The following CELF2 variants were observed in gnomAD, a reference collection of about 807,000 sequenced individuals.
CELF2 encodes CUG triplet repeat RNA-binding protein 2.
CELF2 carries 8 observed loss-of-function variants against 62.6 expected under a neutral mutation model. The ratio of observed to expected loss-of-function variants is 0.13; its 90% CI spans 0.07 to 0.23. The LOEUF (loss-of-function observed/expected upper bound fraction) is 0.23. Among genes scored for constraint, CELF2 ranks in the 10% least tolerant of loss-of-function variants. The pLI is 1.00. For synonymous variants in CELF2, 258 were observed against 250.0 expected (o/e 1.03, Z -0.30); for missense variants, 333 against 671.0 (o/e 0.50, Z 5.56).
chr10:10,474,129 C>T, the CELF2 span, among the ~76,000 whole-genome samples: 1 of 151,842 alleles, frequency 6.6e-6, no homozygotes, highest in Admixed American at 6.6e-5. Flanking sequence ...TATCCAAGGG[C>T]AAAAGGAAAC....
At chr10:10,659,075 CAG>C in the CELF2 span, among the ~76,000 whole-genome samples, 4 of 152,116 alleles carry the variant, frequency 2.6e-5, no homozygotes, top group Non-Finnish European at 5.9e-5. Context: ...AAAAATCAAA[CAG>C]AAGCTACCTA....
chr10:10,575,694 A>C, the CELF2 span, among the ~76,000 whole-genome samples: 2 of 152,330 alleles, frequency 1.3e-5, no homozygotes, highest in South Asian at 2.1e-4. Flanking sequence ...TTTTAGGTCA[A>C]CACATCCAAT....
At chr10:10,864,376 C>T (rs1178494156) in intron 1 of CELF2, among the ~76,000 whole-genome samples, 1 of 152,104 alleles carries the variant, frequency 6.6e-6, no homozygotes, top group Non-Finnish European at 1.5e-5. Context: ...TATTTATTTG[C>T]CACTCTTGAC....
the CELF2 span, among the ~76,000 whole-genome samples, chr10:10,767,995 CAAAA>C: frequency 8.7e-5 from 2 of 23,058 alleles, no homozygotes; most frequent in African/African-American, 2.1e-4. Context: ...GACTCCGTCT[CAAAA>C]AAAAAAAAAA....
chr10:10,576,879 C>T, the CELF2 span, among the ~76,000 whole-genome samples: 1 of 152,182 alleles, frequency 6.6e-6, no homozygotes, highest in Non-Finnish European at 1.5e-5. Context: ...AAATGTGGTG[C>T]TCCTGAGGCC....
chr10:11,006,617 G>A (rs1423405449), intron 1 of CELF2, among the ~76,000 whole-genome samples: 1 of 152,172 alleles, frequency 6.6e-6, no homozygotes, highest in Non-Finnish European at 1.5e-5. Flanking sequence ...GAATATTCTT[G>A]ATGTTTACGT....
At chr10:11,215,616 A>G (rs934497344) in intron 2 of CELF2, among the ~76,000 whole-genome samples, 1 of 147,608 alleles carries the variant, frequency 6.8e-6, no homozygotes, top group Non-Finnish European at 1.5e-5. Flanking sequence ...AACTGTGGTT[A>G]TTAAATGAGG....
chr10:10,626,014 C>T, the CELF2 span, among the ~76,000 whole-genome samples: 2 of 152,008 alleles, frequency 1.3e-5, no homozygotes, highest in African/African-American at 2.4e-5. Flanking sequence ...TCACCTGCCA[C>T]TTGCGGACTT....
At chr10:10,583,927 A>G in the CELF2 span, among the ~76,000 whole-genome samples, 1 of 152,180 alleles carries the variant, frequency 6.6e-6, no homozygotes, top group Admixed American at 6.5e-5. Context: ...GTCCAAGAGC[A>G]CTAGGTTGGA....
intron 1 of CELF2, among the ~76,000 whole-genome samples, chr10:10,902,287 C>G (rs1168634373): frequency 2.0e-5 from 3 of 152,170 alleles, no homozygotes; most frequent in Admixed American, 2.0e-4. Flanking sequence ...AAGATGTGTA[C>G]ATGAATGTTC....
chr10:11,125,342 AT>A (rs2058495676), intron 1 of CELF2, among the ~76,000 whole-genome samples: 1 of 151,698 alleles, frequency 6.6e-6, no homozygotes, highest in African/African-American at 2.4e-5. Context: ...AGGAATCGGG[AT>A]TTTTCAGTGT....
the CELF2 span, among the ~76,000 whole-genome samples, chr10:10,463,379 AC>A: frequency 6.6e-6 from 1 of 152,162 alleles, no homozygotes; most frequent in South Asian, 2.1e-4. Flanking sequence ...TTTTCTTACT[AC>A]CTTTAGCACT....
In CELF2 at chr10:11,300,841, G is replaced by A. The variant is rs1288306377; in HGVS notation, c.976+12289G>A. ...AGGCGATTTTCTCCGTGTTTACAAT[G>A]ATTTTATTTCCTAAACCACAAAGCC... On this transcript the variant is annotated intron_variant, in intron 9 of 12. Transcript: ENST00000633077. This position sits in a 1 kb window ranked among gnomAD's most constrained non-coding sequence, Gnocchi z 5.5. 6.6e-6 allele frequency among the ~76,000 whole-genome samples: 1 copy of A among 151,886 alleles called. No individual in the cohort carries two copies. The highest frequency in any genetic ancestry group is 2.4e-5 in the African/African-American group (1 of 41,148).
chr10:11,303,752 G>T lies in CELF2; in HGVS notation c.977-10387G>T, dbSNP rs578189434. Among the ~76,000 whole-genome samples, 286 of 152,330 alleles carry T rather than the reference G, an allele frequency of 1.9e-3. 1 individual carries two copies. Among genetic ancestry groups the T allele is most frequent in the African/African-American group, 6.6e-3 (273 of 41,568 alleles). The stretch of plus-strand genomic sequence containing the variant: ...CTGCTTCCATAAGTAAATCTCTGCA[G>T]TAGCCACTAGATAGACATAAGAGGG... On this transcript the variant is annotated intron_variant, in intron 9 of 12. Transcript: ENST00000633077.
rs115541791 is a variant in CELF2 at position 11,227,310 on chromosome 10, G to A, written c.354+9803G>A. Among the ~76,000 whole-genome samples, 396 of 152,294 alleles carry A rather than the reference G, an allele frequency of 2.6e-3. 2 individuals are homozygous for A. The highest frequency in any genetic ancestry group is 9.1e-3 in the African/African-American group (378 of 41,550). ...CTAAGCTTCTGAATCTGCTGCTGCC[G>A]ACAAGGGACCAGACTCACCACCACA... On this transcript the variant is annotated intron_variant, in intron 3 of 12. Transcript: ENST00000633077. The surrounding 1 kb of genome is among the most constrained non-coding windows in gnomAD (Gnocchi z 4.8).
the CELF2 span, among the ~76,000 whole-genome samples, chr10:10,564,442 C>G: frequency 1.3e-5 from 2 of 152,054 alleles, no homozygotes. Flanking sequence ...TTTTTCTCCT[C>G]TTTTTATTTC....
chr10:10,811,475 G>A (rs774583074), intron 1 of CELF2, among the ~76,000 whole-genome samples: 1 of 152,144 alleles, frequency 6.6e-6, no homozygotes, highest in African/African-American at 2.4e-5. Context: ...TTCTCCCACA[G>A]AGATGGGGGG....
chr10:10,762,772 T>C, the CELF2 span, among the ~76,000 whole-genome samples: 1 of 152,122 alleles, frequency 6.6e-6, no homozygotes, highest in Non-Finnish European at 1.5e-5. Flanking sequence ...TCAGCTGTGG[T>C]GGCTCATGCC....
chr10:11,145,509 G>A lies in CELF2; in HGVS notation c.75-19977G>A, dbSNP rs2062102384. Among the ~76,000 whole-genome samples, 1 of 152,174 alleles carries A rather than the reference G, an allele frequency of 6.6e-6. No homozygotes were observed. The highest frequency in any genetic ancestry group is 2.4e-5 in the African/African-American group (1 of 41,432). The stretch of plus-strand genomic sequence containing the variant: ...TTGTCCGCACAGAACCAGTTGGTGG[G>A]GTGGAGATATTAAAGGATAGAATTT... On this transcript the variant is annotated intron_variant, in intron 1 of 12. Coordinates refer to ENST00000633077, the MANE Select transcript of CELF2 (RefSeq NM_001326342.2). This position sits in a 1 kb window ranked among gnomAD's most constrained non-coding sequence, Gnocchi z 4.3.
Sources: allele counts gnomAD v4.1 joint callset (sites outside exome capture counted in the v4.1 genomes callset), GRCh38; gene constraint gnomAD v4.1.1; non-coding constraint Gnocchi (gnomAD v3.1); transcripts MANE v1.5; gene names NCBI Gene and HGNC (gene_info 2026-07-23, HGNC 2026-07-21).